Variants in SLC26A6 observed in about 807,000 individuals in gnomAD.
SLC26A6 encodes anion exchange transporter.
Under a neutral mutation model 87.1 loss-of-function variants are expected in SLC26A6, and 67 were observed. The ratio of observed to expected loss-of-function variants is 0.77; its 90% confidence interval spans 0.63 to 0.94. The LOEUF (loss-of-function observed/expected upper bound fraction) is 0.94. Among genes scored for constraint, SLC26A6 ranks in the 40% least tolerant of loss-of-function variants. SLC26A6 has a pLI of 0.00. For missense variants in SLC26A6, 902 were observed against 973.0 expected (o/e 0.93, Z 0.97); for synonymous variants, 414 against 405.9 (o/e 1.02, Z -0.24).
chr3:48,630,749 G>T lies in SLC26A6; in HGVS notation c.1135-29C>A, dbSNP rs369277643. The T allele has an allele frequency of 1.1e-5, 17 of 1,574,806 alleles. No homozygotes were observed. The African/African-American group carries it at 2.2e-4, about 20-fold the overall frequency. On this transcript the variant is annotated intron_variant, in intron 9 of 20. Transcript: ENST00000395550. ...ACGGGGGACAGTACGGGTGTGAGAA[G>T]ACTTCCTAGAAGTGGCTGGTCACTG...
In SLC26A6 at chr3:48,631,928, C is replaced by T. The variant is rs1314041102; in HGVS notation, c.702G>A (p.Val234=). 6.2e-7 allele frequency: 1 copy of T among 1,613,528 alleles called. No individual in the cohort carries two copies. Residue 234 remains valine, a synonymous_variant, in exon 6 of 21, where the codon GTG becomes GTA. Coordinates refer to ENST00000395550, the MANE Select transcript of SLC26A6 (RefSeq NM_022911.3). ...VQVFVSQLKY[V]FGLHLSSHSG... is the part of the protein sequence containing the mutation. ...AGTGGCTGCTCAGATGGAGGCCAAACACATACTTGAGCTGTGAGACGAAGA... is the reference window on the plus strand; with the variant it reads ...AGTGGCTGCTCAGATGGAGGCCAAATACATACTTGAGCTGTGAGACGAAGA...
intron 7 of SLC26A6, 161 bp downstream of exon 7, chr3:48,631,488 G>A: frequency 8.9e-7 from 1 of 1,127,746 alleles, no homozygotes; most frequent in South Asian, 1.6e-5. Flanking sequence ...TCAGGGGCAG[G>A]AAGAAACCAA....
At chr3:48,632,920 C>T in intron 4 of SLC26A6, 54 bp downstream of exon 4, 1 of 1,534,050 alleles carries the variant, frequency 6.5e-7, no homozygotes, top group Non-Finnish European at 9.0e-7. Context: ...CTCACCCTGC[C>T]CTCCATGATG....
At position 48,628,638 on chromosome 3, in the gene SLC26A6, T is replaced by C; in HGVS notation, c.1676A>G (p.Asp559Gly). The change falls in exon 15 of 21, where the codon GAT becomes GGT. Residue 559 changes from aspartate to glycine, a missense_variant. This residue lies in a region of SLC26A6 where 800 missense variants were observed against 856.8 expected (regional missense o/e 0.93). Transcript: ENST00000395550. The surrounding 1 kb of genome is among the most constrained non-coding windows in gnomAD (Gnocchi z 4.4). ...VYFANAEFYS[D>G]ALKQRCGVDV... ...CCGTCTCACCCTCTGCTTCAGCGCA[T>C]CACTGTAGAACTCAGCATTGGCAAA... 1.9e-6 allele frequency: 3 copies of C among 1,613,830 alleles called. No homozygotes were observed. The highest frequency in any genetic ancestry group is 2.5e-6 in the Non-Finnish European group (3 of 1,179,962).
At chr3:48,630,197 C>T in intron 11 of SLC26A6, 40 bp from the exon 12 acceptor site, 2 of 1,593,058 alleles carry the variant, frequency 1.3e-6, no homozygotes, top group South Asian at 2.2e-5. Flanking sequence ...ATTGAGGGCA[C>T]CCGATGCTGA....
chr3:48,626,513 A>T, intron 19 of SLC26A6, 118 bp downstream of exon 19: 1 of 1,548,556 alleles, frequency 6.5e-7, no homozygotes, highest in Non-Finnish European at 8.9e-7. Flanking sequence ...GTCTCCCAGG[A>T]CACCTCTGAC....
At chr3:48,626,058 C>T in intron 20 of SLC26A6, 58 bp from the exon 21 acceptor site, 1 of 1,613,222 alleles carries the variant, frequency 6.2e-7, no homozygotes, top group Non-Finnish European at 8.5e-7. Context: ...AGACCAACCC[C>T]CGCCCCTAGA....
chr3:48,629,506 C>T, intron 14 of SLC26A6, 136 bp downstream of exon 14: 1 of 914,922 alleles, frequency 1.1e-6, no homozygotes, highest in Non-Finnish European at 1.7e-6. Flanking sequence ...CTAAACTCCT[C>T]CCTTGAAATC....
intron 7 of SLC26A6, 84 bp downstream of exon 7, chr3:48,631,565 C>T (rs964155682): frequency 1.1e-5 from 17 of 1,538,690 alleles, no homozygotes; most frequent in Non-Finnish European, 4.4e-6. Context: ...CCAGCTGGCC[C>T]TCAAATACAG....
Position 48,632,235 on chromosome 3 carries a change from T to C in SLC26A6, c.585+10A>G. 6.3e-7 allele frequency: 1 copy of C among 1,587,786 alleles called. No individual in the cohort carries two copies. The highest frequency in any genetic ancestry group is 8.6e-7 in the Non-Finnish European group (1 of 1,166,256). On this transcript the variant is annotated intron_variant, in intron 5 of 20. Coordinates refer to ENST00000395550, the MANE Select transcript of SLC26A6 (RefSeq NM_022911.3). ...GTGGTGGGGGGCACATACTCCTGACTGTTCCACACCTGGAAGAGGCCAACC... is the reference window on the plus strand; with the variant it reads ...GTGGTGGGGGGCACATACTCCTGACCGTTCCACACCTGGAAGAGGCCAACC...
Position 48,626,335 on chromosome 3 carries a change from A to C in SLC26A6, c.2148T>G (p.Leu716=). 6.2e-7 allele frequency: 1 copy of C among 1,614,008 alleles called. No homozygotes were observed. Among genetic ancestry groups the C allele is most frequent in the Non-Finnish European group, 8.5e-7 (1 of 1,179,992 alleles). The change falls in exon 20 of 21, where the codon CTT becomes CTG. Residue 716 remains leucine (L), a synonymous_variant. Coordinates refer to ENST00000395550, the MANE Select transcript of SLC26A6 (RefSeq NM_022911.3). ...ATGCATCGAAGAAGTGCCCAGCCTC[A>C]AGCTGGCTGACCACAGGGCCTGTGG... ...AACHSPVVSQ[L]EAGHFFDASI... is the part of the protein sequence containing the mutation.
At position 48,627,972 on chromosome 3, in the gene SLC26A6, T is replaced by A; in HGVS notation, c.1867A>T (p.Asn623Tyr). The change falls in exon 17 of 21, where the codon AAC (asparagine) becomes TAC (tyrosine). Residue 623 changes from asparagine (N) to tyrosine (Y), a missense_variant. By Grantham distance (143) the Asn-to-Tyr change is moderately radical. Coordinates refer to ENST00000395550, the MANE Select transcript of SLC26A6 (RefSeq NM_022911.3). ...ATCATCTTGCAGTCCTCAACGTTGTTGCTCCTCATGTCTTCAAGGCTGGTG... is the reference window on the plus strand; with the variant it reads ...ATCATCTTGCAGTCCTCAACGTTGTAGCTCCTCATGTCTTCAAGGCTGGTG... ...VNTSLEDMRS[N>Y]NVEDCKMMQV... is the part of the protein sequence containing the mutation. 6.3e-7 allele frequency: 1 copy of A among 1,594,040 alleles called. No homozygotes were observed. The highest frequency in any genetic ancestry group is 1.4e-5 in the African/African-American group (1 of 73,608).
chr3:48,633,858 T>TCCCCCAA, intron 1 of SLC26A6: 1 of 1,419,756 alleles, frequency 7.0e-7, no homozygotes, highest in South Asian at 1.5e-5. Flanking sequence ...TAGGACAAAG[T>TCCCCCAA]CCCCCAAGTA....
In SLC26A6 at chr3:48,628,189, T is replaced by C. The variant is rs2046678802; in HGVS notation, c.1801-151A>G. On this transcript the variant is annotated intron_variant, in intron 16 of 20. Transcript: ENST00000395550. The surrounding 1 kb of genome is among the most constrained non-coding windows in gnomAD (Gnocchi z 4.4). The stretch of plus-strand genomic sequence containing the variant: ...CCTGCAGCAGCCAGGCTGAAGCTCC[T>C]GGAACAGCCGTGAAAGGGAAGAGGA... 1 of 803,690 alleles carries C rather than the reference T, an allele frequency of 1.2e-6. No homozygotes were observed. The highest frequency in any genetic ancestry group is 2.0e-6 in the Non-Finnish European group (1 of 512,572). 49.8% of individuals were successfully genotyped at this position (803,690 alleles called of 1,614,324 possible).
rs774459958 is a variant in SLC26A6 at position 48,628,386 on chromosome 3, G to A, written c.1800+48C>T. ...GGGGGCCAGGAGAAAGGCTGGGGCAGGGAACAGGGGGCAGGAGATGGGGGT... is the reference window on the plus strand; with the variant it reads ...GGGGGCCAGGAGAAAGGCTGGGGCAAGGAACAGGGGGCAGGAGATGGGGGT... On this transcript the variant is annotated intron_variant, in intron 16 of 20. Coordinates refer to ENST00000395550, the MANE Select transcript of SLC26A6 (RefSeq NM_022911.3). The surrounding 1 kb of genome is among the most constrained non-coding windows in gnomAD (Gnocchi z 4.4). 6.2e-7 allele frequency: 1 copy of A among 1,610,874 alleles called. No individual in the cohort carries two copies. The highest frequency in any genetic ancestry group is 1.1e-5 in the South Asian group (1 of 90,892).
At chr3:48,633,957 T>C (rs1036123283) in intron 1 of SLC26A6, 1 of 992,928 alleles carries the variant, frequency 1.0e-6, no homozygotes, top group Non-Finnish European at 1.3e-6. Context: ...CCCAGGCTGC[T>C]CCCTCCCCCA....
chr3:48,628,804 T>C lies in SLC26A6; in HGVS notation c.1600-90A>G, dbSNP rs2046699040. On this transcript the variant is annotated intron_variant, in intron 14 of 20. Coordinates refer to ENST00000395550, the MANE Select transcript of SLC26A6 (RefSeq NM_022911.3). This position sits in a 1 kb window ranked among gnomAD's most constrained non-coding sequence, Gnocchi z 4.4. ...GCCTTTCCTTCCCTAGTGTGCCCAG[T>C]GCCTGCCACCGCCCAGCCCTCTGCT... is the stretch of plus-strand genomic sequence containing the variant. 6.9e-7 allele frequency: 1 copy of C among 1,443,748 alleles called. No individual in the cohort carries two copies. The highest frequency in any genetic ancestry group is 2.3e-4 in the Middle Eastern group (1 of 4,262). 89.4% of individuals were successfully genotyped at this position (1,443,748 alleles called of 1,614,324 possible).
At position 48,628,624 on chromosome 3, in the gene SLC26A6, T is replaced by C; in HGVS notation, c.1690A>G (p.Arg564Gly). The C allele has an allele frequency of 1.2e-6, 2 of 1,613,918 alleles. No homozygotes were observed. The highest frequency in any genetic ancestry group is 1.7e-6 in the Non-Finnish European group (2 of 1,179,980). ...AEFYSDALKQ[R>G]CGVDVDFLIS... Reference sequence around the variant, plus strand: ...CCATCCTGGGGACTCCGTCTCACCCTCTGCTTCAGCGCATCACTGTAGAAC... The same window carrying C: ...CCATCCTGGGGACTCCGTCTCACCCCCTGCTTCAGCGCATCACTGTAGAAC... Residue 564 changes from arginine to glycine, a missense_variant and splice_region_variant, in exon 15 of 21, where the codon AGG becomes GGG. Arg to Gly is a moderately radical substitution (Grantham distance 125, BLOSUM62 -2). Coordinates refer to ENST00000395550, the MANE Select transcript of SLC26A6 (RefSeq NM_022911.3). The surrounding 1 kb of genome is among the most constrained non-coding windows in gnomAD (Gnocchi z 4.4).
chr3:48,628,642 T>G lies in SLC26A6; in HGVS notation c.1672A>C (p.Ser558Arg). The G allele has an allele frequency of 6.2e-7, 1 of 1,613,800 alleles. No homozygotes were observed. The highest frequency in any genetic ancestry group is 8.5e-7 in the Non-Finnish European group (1 of 1,179,956). The change falls in exon 15 of 21, where the codon AGT (serine) becomes CGT (arginine). Residue 558 changes from serine to arginine, a missense_variant. By Grantham distance (110) the Ser-to-Arg change is moderately radical. Coordinates refer to ENST00000395550, the MANE Select transcript of SLC26A6 (RefSeq NM_022911.3). This position sits in a 1 kb window ranked among gnomAD's most constrained non-coding sequence, Gnocchi z 4.4. ...CTCACCCTCTGCTTCAGCGCATCAC[T>G]GTAGAACTCAGCATTGGCAAAGTAC... The part of the protein sequence containing the change: ...TVYFANAEFY[S>R]DALKQRCGVD...
Sources: gnomAD v4.1 joint callset for allele counts on GRCh38, gnomAD v4.1.1 for gene constraint, gnomAD v4.1.1 regional missense constraint, Gnocchi (gnomAD v3.1) non-coding constraint, MANE v1.5 for transcripts, NCBI Gene and HGNC (gene_info 2026-07-23, HGNC 2026-07-21) for gene names.